The following RALGPS1 variants were observed in gnomAD, a reference collection of about 807,000 sequenced individuals.
RALGPS1 encodes Ral GEF with PH domain and SH3 binding motif 1.
In RALGPS1, 19 loss-of-function variants were observed where a neutral mutation model predicts 78.8. The observed-to-expected ratio is 0.24, with a 90% CI of 0.17 to 0.35. The LOEUF is 0.35. Ranked by LOEUF, RALGPS1 falls within the 10% of genes least tolerant of loss-of-function variation. RALGPS1 has a pLI of 1.00. For synonymous variants in RALGPS1, 228 were observed against 256.3 expected, an observed-to-expected ratio of 0.89 and a Z score of 1.06; for missense variants, 454 against 688.3, an observed-to-expected ratio of 0.66 and a Z score of 3.81.
At chr9:127,174,093 C>G (rs2059708217) in intron 10 of RALGPS1, among the ~76,000 whole-genome samples, 1 of 151,838 alleles carries the variant, frequency 6.6e-6, no homozygotes, top group Non-Finnish European at 1.5e-5. Flanking sequence ...AACCCCGTCT[C>G]TACTAAGAAT....
At chr9:127,005,779 T>C (rs888322647) in intron 4 of RALGPS1, among the ~76,000 whole-genome samples, 1 of 152,190 alleles carries the variant, frequency 6.6e-6, no homozygotes, top group African/African-American at 2.4e-5. Flanking sequence ...TTTTTGGCCA[T>C]GTGAGTGAGG....
intron 8 of RALGPS1, among the ~76,000 whole-genome samples, chr9:127,075,619 A>C (rs1554818394): frequency 6.6e-6 from 1 of 152,254 alleles, no homozygotes; most frequent in Non-Finnish European, 1.5e-5. Context: ...TTTCTCTGGC[A>C]AAGTCCTCAC....
At chr9:127,076,951 G>A (rs932956859) in intron 8 of RALGPS1, among the ~76,000 whole-genome samples, 1 of 152,226 alleles carries the variant, frequency 6.6e-6, no homozygotes, top group Admixed American at 6.5e-5. Context: ...ACCCTAAAGT[G>A]AGGAAAAACA....
Position 127,212,342 on chromosome 9 carries a change from G to A in RALGPS1, c.1353+106G>A. 1 of 838,320 alleles carries A rather than the reference G, an allele frequency of 1.2e-6. No individual in the cohort carries two copies. The highest frequency in any genetic ancestry group is 1.8e-6 in the Non-Finnish European group (1 of 541,890). The allele number at this position is 838,320 out of a possible 1,614,324, so 51.9% of individuals were successfully genotyped here. A position where few individuals can be genotyped will look rare whatever the true frequency, so the allele number is the denominator to read the frequency against. On this transcript the variant is annotated intron_variant, in intron 15 of 18. Transcript: ENST00000259351. The surrounding 1 kb of genome is among the most constrained non-coding windows in gnomAD (Gnocchi z 6.0). ...AAGTCACATGCATGGCAGAGGCTCTGCTTGCAGTGGGCATGCAGCGAGCTG... is the reference window on the plus strand; with the variant it reads ...AAGTCACATGCATGGCAGAGGCTCTACTTGCAGTGGGCATGCAGCGAGCTG...
At chr9:126,977,854 G>GGATAA in intron 4 of RALGPS1, 109 bp downstream of exon 4, 1 of 739,366 alleles carries the variant, frequency 1.4e-6, no homozygotes, top group Non-Finnish European at 2.3e-6. Flanking sequence ...CTCTATAAAT[G>GGATAA]CATGTTATCC....
chr9:127,030,902 C>G (rs1461207635), intron 4 of RALGPS1, among the ~76,000 whole-genome samples: 2 of 152,166 alleles, frequency 1.3e-5, no homozygotes, highest in Non-Finnish European at 2.9e-5. Flanking sequence ...CTGTTTTTCC[C>G]TGATGAGCCT....
chr9:126,967,808 G>A (rs950203112), intron 3 of RALGPS1, among the ~76,000 whole-genome samples: 2 of 152,182 alleles, frequency 1.3e-5, no homozygotes, highest in African/African-American at 4.8e-5. Context: ...AAAGTGCTGG[G>A]ATTGCAGGTG....
intron 7 of RALGPS1, among the ~76,000 whole-genome samples, chr9:127,060,061 G>T (rs751416115): frequency 1.3e-5 from 2 of 152,218 alleles, no homozygotes; most frequent in Non-Finnish European, 2.9e-5. Flanking sequence ...CAGAGAAACT[G>T]CTGTGTATAA....
intron 4 of RALGPS1, among the ~76,000 whole-genome samples, chr9:127,007,936 CAG>C (rs2043991802): frequency 6.6e-6 from 1 of 152,130 alleles, no homozygotes; most frequent in Admixed American, 6.5e-5. Flanking sequence ...GAGAGCCATT[CAG>C]AGACTTTCCT....
intron 11 of RALGPS1, among the ~76,000 whole-genome samples, chr9:127,179,600 A>G (rs1401031269): frequency 6.6e-6 from 1 of 152,146 alleles, no homozygotes; most frequent in Non-Finnish European, 1.5e-5. Flanking sequence ...TCATTCATTC[A>G]CCCAAGACTT....
intron 4 of RALGPS1, among the ~76,000 whole-genome samples, chr9:127,015,512 C>T (rs1020303574): frequency 1.3e-5 from 2 of 152,154 alleles, no homozygotes; most frequent in African/African-American, 4.8e-5. Context: ...CTCTGTTCGC[C>T]TCTCAAAGTG....
At chr9:127,139,322 C>T (rs928521994) in intron 8 of RALGPS1, among the ~76,000 whole-genome samples, 2 of 152,210 alleles carry the variant, frequency 1.3e-5, no homozygotes, top group African/African-American at 4.8e-5. Context: ...GTGCCAGGTC[C>T]GAGGCAGACT....
chr9:127,158,565 C>T (rs7850610), intron 8 of RALGPS1, among the ~76,000 whole-genome samples: 6,083 of 152,198 alleles, frequency 0.04, 416 homozygotes, highest in African/African-American at 0.14. Flanking sequence ...TTGTCCATTT[C>T]ATTGATTTTC....
intron 1 of RALGPS1, among the ~76,000 whole-genome samples, chr9:126,941,130 G>C (rs1343629699): frequency 1.3e-5 from 2 of 150,154 alleles, no homozygotes; most frequent in African/African-American, 2.5e-5. Flanking sequence ...TCTCATATAC[G>C]CCCCCCCCCT....
At chr9:126,953,885 G>T (rs990897853) in intron 1 of RALGPS1, among the ~76,000 whole-genome samples, 1 of 152,184 alleles carries the variant, frequency 6.6e-6, no homozygotes, top group African/African-American at 2.4e-5. Context: ...TTGCTGCTGT[G>T]TCCCCAGAGC....
chr9:127,151,182 C>CA (rs146126037), intron 8 of RALGPS1, among the ~76,000 whole-genome samples: 54,869 of 144,534 alleles, frequency 0.38, 11,906 homozygotes, highest in Non-Finnish European at 0.48. Context: ...GACTCCGTCT[C>CA]AAAAAAAAAA....
At chr9:127,139,388 C>T (rs919373610) in intron 8 of RALGPS1, among the ~76,000 whole-genome samples, 1 of 152,264 alleles carries the variant, frequency 6.6e-6, no homozygotes, top group African/African-American at 2.4e-5. Context: ...TCTTGTTCTG[C>T]AGTGGCACAA....
intron 7 of RALGPS1, among the ~76,000 whole-genome samples, chr9:127,059,659 T>G (rs2049032876): frequency 1.3e-5 from 2 of 152,054 alleles, no homozygotes; most frequent in Non-Finnish European, 2.9e-5. Context: ...TGTACCCCAG[T>G]GATGGCTGGC....
At chr9:127,041,397 C>T (rs1028062415) in intron 5 of RALGPS1, among the ~76,000 whole-genome samples, 1 of 152,042 alleles carries the variant, frequency 6.6e-6, no homozygotes, top group African/African-American at 2.4e-5. Flanking sequence ...GCTAGATTTT[C>T]AGATCAGCTG....
Sources: gnomAD v4.1 joint callset for allele counts (sites outside exome capture counted in the v4.1 genomes callset) on GRCh38, gnomAD v4.1.1 for gene constraint, Gnocchi (gnomAD v3.1) non-coding constraint, MANE v1.5 for transcripts, NCBI Gene and HGNC (gene_info 2026-07-23, HGNC 2026-07-21) for gene names.